CAMK2D: variants seen among roughly 807,000 people sequenced by gnomAD.
CAMK2D encodes the protein calcium/calmodulin dependent protein kinase II delta.
Under a neutral mutation model 84.0 loss-of-function variants are expected in CAMK2D, and 37 were observed. That is an observed-to-expected ratio of 0.44 (90% CI 0.34 to 0.58). CAMK2D has a LOEUF of 0.58. CAMK2D is among the 20% of genes least tolerant of loss of function. The probability of loss-of-function intolerance (pLI) is 0.02; values close to 1 mark genes in which losing one functional copy is unlikely to be tolerated. For missense variants in CAMK2D, 448 were observed against 652.5 expected, an observed-to-expected ratio of 0.69 and a Z score of 3.41; for synonymous variants, 202 against 212.5, an observed-to-expected ratio of 0.95 and a Z score of 0.43.
chr4:113,597,070 G>A (rs1433147782), intron 4 of CAMK2D, among the ~76,000 whole-genome samples: 3 of 152,018 alleles, frequency 2.0e-5, no homozygotes, highest in South Asian at 2.1e-4. Context: ...TGCCCATCTC[G>A]GCCTCCCAAA....
At chr4:113,676,772 TA>T (rs754085154) in intron 2 of CAMK2D, among the ~76,000 whole-genome samples, 62 of 152,198 alleles carry the variant, frequency 4.1e-4, no homozygotes, top group Non-Finnish European at 7.9e-4. Context: ...CAGACCTTGC[TA>T]AAATAGCTCT....
At chr4:113,561,797 A>C (rs2098700056) in intron 4 of CAMK2D, among the ~76,000 whole-genome samples, 1 of 152,230 alleles carries the variant, frequency 6.6e-6, no homozygotes, top group Non-Finnish European at 1.5e-5. Context: ...AGTAGCTAAG[A>C]AGTGACTTAG....
rs568091845 is a variant in CAMK2D, at chr4:113,645,104, C to A, written c.220+16609G>T. 3.9e-4 allele frequency among the ~76,000 whole-genome samples: 59 copies of A among 152,284 alleles called. 1 individual carries two copies. Among genetic ancestry groups the A allele is most frequent in the Non-Finnish European group, 5.4e-4 (37 of 68,022 alleles). On this transcript the variant is annotated intron_variant, in intron 3 of 20. Transcript: ENST00000511664. The stretch of plus-strand genomic sequence containing the variant: ...CAATCTCGGCTCACTACAAGCTCCA[C>A]CTCCCGGGTTCACGCCATTCTCCTG...
At chr4:113,580,737 A>C (rs562856448) in intron 4 of CAMK2D, among the ~76,000 whole-genome samples, 2 of 152,168 alleles carry the variant, frequency 1.3e-5, no homozygotes, top group Non-Finnish European at 2.9e-5. Context: ...CAACTACTTC[A>C]TAAGATTATC....
intron 3 of CAMK2D, among the ~76,000 whole-genome samples, chr4:113,610,029 CTT>C (rs1011862010): frequency 6.9e-6 from 1 of 145,698 alleles, no homozygotes; most frequent in African/African-American, 2.5e-5. Flanking sequence ...AGAGTGAATT[CTT>C]TTTTTTTTTG....
chr4:113,748,623 TA>T (rs2149027241), intron 2 of CAMK2D, among the ~76,000 whole-genome samples: 1 of 152,214 alleles, frequency 6.6e-6, no homozygotes, highest in South Asian at 2.1e-4. Context: ...ATAATTCACT[TA>T]TTAAGAATTC....
At chr4:113,551,409 T>C (rs2098628392) in intron 5 of CAMK2D, among the ~76,000 whole-genome samples, 1 of 152,228 alleles carries the variant, frequency 6.6e-6, no homozygotes, top group Admixed American at 6.5e-5. Context: ...AGGGTTTTAA[T>C]GAAATTTCCA....
At chr4:113,545,660 T>C (rs2098561434) in intron 6 of CAMK2D, among the ~76,000 whole-genome samples, 1 of 152,202 alleles carries the variant, frequency 6.6e-6, no homozygotes, top group Non-Finnish European at 1.5e-5. Context: ...TCAGTGTGTT[T>C]ATGAAATGGC....
At chr4:113,607,967 C>T (rs780590267) in intron 4 of CAMK2D, among the ~76,000 whole-genome samples, 2 of 152,208 alleles carry the variant, frequency 1.3e-5, no homozygotes, top group Non-Finnish European at 2.9e-5. Context: ...ATTCCCTTAA[C>T]AAATACCTGG....
chr4:113,711,264 GCA>G (rs1357488460), intron 2 of CAMK2D, among the ~76,000 whole-genome samples: 2 of 151,202 alleles, frequency 1.3e-5, no homozygotes, highest in Non-Finnish European at 2.9e-5. Flanking sequence ...CTATATGTAT[GCA>G]CAGTTTAGAA....
intron 2 of CAMK2D, chr4:113,754,323 G>A (rs192971345): frequency 1.0e-6 from 1 of 981,610 alleles, no homozygotes; most frequent in East Asian, 1.1e-4. Flanking sequence ...GTCAACCTCA[G>A]TATAAGCCCA....
chr4:113,603,773 TTATATATA>T lies in CAMK2D; in HGVS notation c.275+5371_275+5378del, dbSNP rs139576985. The stretch of plus-strand genomic sequence containing the variant: ...ATCTTTCTATATATTTCTTGCTATT[TTATATATA>T]TATATATATATATATATATATTTAA... On this transcript the variant is annotated intron_variant, in intron 4 of 20. Coordinates refer to ENST00000511664, the MANE Select transcript of CAMK2D (RefSeq NM_001321571.2). 2.3e-4 allele frequency among the ~76,000 whole-genome samples: 29 copies of T among 127,992 alleles called. 1 individual carries two copies. The highest frequency in any genetic ancestry group is 6.9e-4 in the African/African-American group (21 of 30,646). 84.0% of individuals were successfully genotyped at this position (127,992 alleles called of 152,430 possible).
At chr4:113,600,991 T>C (rs2098949611) in intron 4 of CAMK2D, among the ~76,000 whole-genome samples, 1 of 152,140 alleles carries the variant, frequency 6.6e-6, no homozygotes, top group South Asian at 2.1e-4. Flanking sequence ...TAAAAATTAC[T>C]AAAGCAAAGA....
intron 3 of CAMK2D, among the ~76,000 whole-genome samples, chr4:113,659,900 A>G (rs2099221089): frequency 6.6e-6 from 1 of 152,152 alleles, no homozygotes; most frequent in Non-Finnish European, 1.5e-5. Context: ...TACACCTAGA[A>G]ATGTAACTTG....
chr4:113,637,233 C>A lies in CAMK2D; in HGVS notation c.220+24480G>T, dbSNP rs1463193368. On this transcript the variant is annotated intron_variant, in intron 3 of 20. Coordinates refer to ENST00000511664, the MANE Select transcript of CAMK2D (RefSeq NM_001321571.2). The stretch of plus-strand genomic sequence containing the variant: ...TGTATCACAGGTGTACAGAAGAGTA[C>A]CTAACATGACAGATATTAAAAAAGA... Among the ~76,000 whole-genome samples, 7 of 151,990 alleles carry A rather than the reference C, an allele frequency of 4.6e-5. No individual in the cohort carries two copies. In the East Asian group the frequency reaches 1.2e-3, roughly 25 times the overall value.
chr4:113,686,273 A>G (rs2099359577), intron 2 of CAMK2D, among the ~76,000 whole-genome samples: 1 of 152,226 alleles, frequency 6.6e-6, no homozygotes, highest in Admixed American at 6.5e-5. Context: ...CTATCTTTGT[A>G]GTAGTGTCTT....
rs1203134741 is a variant in CAMK2D, at chr4:113,539,213, T to C, written c.415-1770A>G. Among the ~76,000 whole-genome samples the C allele has an allele frequency of 3.9e-5, 6 of 152,338 alleles. No individual in the cohort carries two copies. In the South Asian group the frequency reaches 1.0e-3, roughly 26 times the overall value. ...AAGTTAAGTTCCAACTATTAACTCATGGAATAATTAACTTGGAAAAAGCTC... is the reference window on the plus strand; with the variant it reads ...AAGTTAAGTTCCAACTATTAACTCACGGAATAATTAACTTGGAAAAAGCTC... On this transcript the variant is annotated intron_variant, in intron 6 of 20. Transcript: ENST00000511664.
intron 16 of CAMK2D, among the ~76,000 whole-genome samples, chr4:113,496,288 T>C (rs1370282209): frequency 2.0e-5 from 3 of 152,204 alleles, no homozygotes; most frequent in African/African-American, 7.2e-5. Context: ...TGATTAAAAA[T>C]GGAAATGACT....
intron 2 of CAMK2D, among the ~76,000 whole-genome samples, chr4:113,691,091 T>C (rs576952060): frequency 1.3e-5 from 2 of 152,174 alleles, no homozygotes; most frequent in Non-Finnish European, 2.9e-5. Flanking sequence ...TCTGGATCTA[T>C]AACAACCAGA....
Sources: gnomAD v4.1 joint callset for allele counts (sites outside exome capture counted in the v4.1 genomes callset) on GRCh38, gnomAD v4.1.1 for gene constraint, MANE v1.5 for transcripts, NCBI Gene and HGNC (gene_info 2026-07-23, HGNC 2026-07-21) for gene names.